Variants in SLC45A2 observed in about 807,000 individuals in gnomAD.
SLC45A2 encodes the protein membrane-associated transporter protein.
Under a neutral mutation model 45.5 loss-of-function variants are expected in SLC45A2, and 36 were observed. The ratio of observed to expected loss-of-function variants is 0.79; its 90% CI spans 0.61 to 1.04. The LOEUF (loss-of-function observed/expected upper bound fraction) is 1.04. Ranked by LOEUF, SLC45A2 falls within the 50% of genes least tolerant of loss-of-function variation. The probability of loss-of-function intolerance (pLI) is 0.00; values close to 1 mark genes in which losing one functional copy is unlikely to be tolerated. For missense variants in SLC45A2, 719 were observed against 671.0 expected (o/e 1.07, Z -0.79); for synonymous variants, 306 against 269.3 (o/e 1.14, Z -1.33).
intron 1 of SLC45A2, among the ~76,000 whole-genome samples, chr5:33,983,388 C>T (rs1753139162): frequency 6.6e-6 from 1 of 152,230 alleles, no homozygotes; most frequent in South Asian, 2.1e-4. Context: ...CACTTCTCAC[C>T]TCCTGTCCTT....
chr5:33,978,808 G>A (rs1561372115), intron 2 of SLC45A2, among the ~76,000 whole-genome samples: 1 of 152,202 alleles, frequency 6.6e-6, no homozygotes, highest in Non-Finnish European at 1.5e-5. Context: ...AGGACCTCTT[G>A]AGGTTGTGTT....
At chr5:33,954,100 C>T (rs1433423341) in intron 4 of SLC45A2, among the ~76,000 whole-genome samples, 1 of 151,918 alleles carries the variant, frequency 6.6e-6, no homozygotes. Context: ...GACTCCCACA[C>T]ATTAATAATG....
rs183194636 is a variant in SLC45A2, at chr5:33,982,935, A to G, written c.386-523T>C. ...GGCCTCCTTTTACGCACTTCTGCAC[A>G]TACAGACACACGTGTACAATGGTAG... On this transcript the variant is annotated intron_variant, in intron 1 of 6. Transcript: ENST00000296589. Among the ~76,000 whole-genome samples the G allele has an allele frequency of 2.6e-5, 4 of 152,372 alleles. No homozygotes were observed. The East Asian group carries it at 7.7e-4, about 29-fold the overall frequency.
intron 2 of SLC45A2, among the ~76,000 whole-genome samples, chr5:33,975,806 A>T (rs557395875): frequency 3.3e-4 from 51 of 152,322 alleles, no homozygotes; most frequent in Non-Finnish European, 8.8e-5. Context: ...AGAAACAAGC[A>T]GAGCTCTGGG....
At chr5:33,954,332 G>C (rs1386415094) in intron 4 of SLC45A2, 29 bp downstream of exon 4, 1 of 1,613,816 alleles carries the variant, frequency 6.2e-7, no homozygotes, top group African/African-American at 1.3e-5. Flanking sequence ...ATGTGTAACA[G>C]TGATTGTGTG....
At chr5:33,960,438 A>C (rs1353691235) in intron 3 of SLC45A2, among the ~76,000 whole-genome samples, 1 of 152,206 alleles carries the variant, frequency 6.6e-6, no homozygotes, top group Non-Finnish European at 1.5e-5. Flanking sequence ...CATAAAAGGA[A>C]TGAATTAATG....
intron 6 of SLC45A2, chr5:33,946,532 A>T (rs963646956): frequency 4.6e-5 from 45 of 986,508 alleles, no homozygotes; most frequent in Non-Finnish European, 5.3e-5. Context: ...CAACTCTGTT[A>T]TAAGCACTGC....
At chr5:33,965,150 T>G (rs879160547) in intron 2 of SLC45A2, among the ~76,000 whole-genome samples, 29 of 152,368 alleles carry the variant, frequency 1.9e-4, no homozygotes, top group East Asian at 1.7e-3. Flanking sequence ...TTGATTTTTT[T>G]TGTGTGTGTG....
chr5:33,970,952 G>C (rs537951198), intron 2 of SLC45A2: 43 of 461,362 alleles, frequency 9.3e-5, no homozygotes, highest in Non-Finnish European at 1.5e-4. Context: ...GGAGCTAAGG[G>C]AACAATTCAA....
intron 2 of SLC45A2, among the ~76,000 whole-genome samples, chr5:33,968,940 A>G (rs1350276766): frequency 1.3e-5 from 2 of 152,058 alleles, no homozygotes; most frequent in Non-Finnish European, 2.9e-5. Flanking sequence ...TCTTTTCTAC[A>G]TGTTGAAAAA....
intron 2 of SLC45A2, among the ~76,000 whole-genome samples, chr5:33,975,073 A>G (rs1352583088): frequency 2.6e-5 from 4 of 151,204 alleles, no homozygotes; most frequent in African/African-American, 9.9e-5. Context: ...AGATGTTTTA[A>G]GTTGTTTTTC....
chr5:33,969,610 G>T (rs745787982), intron 2 of SLC45A2, among the ~76,000 whole-genome samples: 13 of 152,176 alleles, frequency 8.5e-5, no homozygotes, highest in Non-Finnish European at 1.3e-4. Context: ...GGCTGCGAAG[G>T]CATCGAGAGT....
chr5:33,954,282 TAGCCCA>T lies in SLC45A2; in HGVS notation c.1032+73_1032+78del, dbSNP rs560973795. ...TTCTTACTGTGCCAATCTTAGAGGA[TAGCCCA>T]GAAGAACCTCAACAGGTGTTAATGG... On this transcript the variant is annotated intron_variant, in intron 4 of 6. Coordinates refer to ENST00000296589, the MANE Select transcript of SLC45A2 (RefSeq NM_016180.5). 1,478 of 1,589,786 alleles carry T rather than the reference TAGCCCA, an allele frequency of 9.3e-4. 1 individual carries two copies. The highest frequency in any genetic ancestry group is 2.8e-3 in the Admixed American group (168 of 59,280).
At chr5:33,945,880 G>T in intron 6 of SLC45A2, 1 of 828,514 alleles carries the variant, frequency 1.2e-6, no homozygotes, top group Non-Finnish European at 1.5e-6. Context: ...CATTTGCTTG[G>T]TTTTTATTTA....
intron 2 of SLC45A2, among the ~76,000 whole-genome samples, chr5:33,968,331 G>A (rs1752667192): frequency 6.6e-6 from 1 of 152,172 alleles, no homozygotes; most frequent in African/African-American, 2.4e-5. Flanking sequence ...CATCCAGACT[G>A]TATTTACCTC....
intron 2 of SLC45A2, among the ~76,000 whole-genome samples, chr5:33,968,833 A>G (rs918213742): frequency 1.3e-5 from 2 of 152,154 alleles, no homozygotes; most frequent in South Asian, 4.2e-4. Flanking sequence ...TCAAGTCATG[A>G]GAGCTAGCTA....
intron 1 of SLC45A2, among the ~76,000 whole-genome samples, chr5:33,982,912 C>T (rs969254389): frequency 3.9e-5 from 6 of 152,230 alleles, no homozygotes; most frequent in African/African-American, 1.2e-4. Flanking sequence ...GGCTTTAAGG[C>T]CTCCTTTTAC....
At chr5:33,952,306 C>G (rs1475542794) in intron 4 of SLC45A2, among the ~76,000 whole-genome samples, 2 of 151,938 alleles carry the variant, frequency 1.3e-5, no homozygotes, top group Non-Finnish European at 2.9e-5. Context: ...CCCACCCCTC[C>G]TTTTTGAAGC....
chr5:33,946,077 T>TA (rs1228916537), intron 6 of SLC45A2: 9 of 985,298 alleles, frequency 9.1e-6, no homozygotes, highest in African/African-American at 1.7e-5. Flanking sequence ...ATCCCCAGTG[T>TA]AACACAGCTT....
Sources: gnomAD v4.1 joint callset for allele counts (sites outside exome capture counted in the v4.1 genomes callset) on GRCh38, gnomAD v4.1.1 for gene constraint, MANE v1.5 for transcripts, NCBI Gene and HGNC (gene_info 2026-07-23, HGNC 2026-07-21) for gene names.